The following SNTG1 variants were observed in gnomAD, a reference collection of about 807,000 sequenced individuals.
SNTG1 encodes syntrophin gamma 1.
A neutral mutation model predicts 74.7 loss-of-function variants in SNTG1; 39 were observed. The observed-to-expected ratio is 0.52, with a 90% CI of 0.40 to 0.68. SNTG1 has a LOEUF of 0.68. Ranked by LOEUF, SNTG1 falls within the 30% of genes least tolerant of loss-of-function variation. The probability of loss-of-function intolerance (pLI) is 0.00; values close to 1 mark genes in which losing one functional copy is unlikely to be tolerated. For synonymous variants in SNTG1, 254 were observed against 217.1 expected (o/e 1.17, Z -1.49); for missense variants, 685 against 609.5 (o/e 1.12, Z -1.30).
chr8:50,660,957 AT>A (rs1460220469), intron 15 of SNTG1, among the ~76,000 whole-genome samples: 1 of 152,042 alleles, frequency 6.6e-6, no homozygotes, highest in Non-Finnish European at 1.5e-5. Flanking sequence ...TTTTTGATAG[AT>A]TTCATCTATC....
At chr8:50,446,475 T>C (rs913188359) in intron 5 of SNTG1, among the ~76,000 whole-genome samples, 2 of 143,322 alleles carry the variant, frequency 1.4e-5, no homozygotes, top group Non-Finnish European at 3.1e-5. Flanking sequence ...CAGGGAGGGG[T>C]TCAAGACCAG....
intron 2 of SNTG1, among the ~76,000 whole-genome samples, chr8:50,329,812 A>AT (rs574286745): frequency 2.1e-4 from 31 of 150,776 alleles, no homozygotes; most frequent in African/African-American, 2.2e-4. Context: ...CTCCCTAGAA[A>AT]TTTTTTTTTT....
At chr8:50,504,978 T>C (rs570645773) in intron 9 of SNTG1, among the ~76,000 whole-genome samples, 1 of 152,234 alleles carries the variant, frequency 6.6e-6, no homozygotes, top group South Asian at 2.1e-4. Context: ...TCTATACCCC[T>C]TAAACAATTC....
chr8:50,056,019 G>A (rs532901822), intron 1 of SNTG1, among the ~76,000 whole-genome samples: 3 of 152,116 alleles, frequency 2.0e-5, no homozygotes, highest in African/African-American at 7.2e-5. Context: ...AGTTCCAAAC[G>A]GAGGGAAAAA....
At chr8:50,422,505 A>G (rs1347056334) in intron 4 of SNTG1, among the ~76,000 whole-genome samples, 1 of 152,166 alleles carries the variant, frequency 6.6e-6, no homozygotes, top group African/African-American at 2.4e-5. Context: ...TGCAGTAAAT[A>G]AAGAAAGAGT....
chr8:50,094,231 C>G (rs1259536840), intron 1 of SNTG1, among the ~76,000 whole-genome samples: 1 of 151,832 alleles, frequency 6.6e-6, no homozygotes, highest in African/African-American at 2.4e-5. Flanking sequence ...GATTATTGTG[C>G]TAAGGGAAAG....
intron 1 of SNTG1, among the ~76,000 whole-genome samples, chr8:49,966,919 G>C (rs574769021): frequency 6.6e-6 from 1 of 152,026 alleles, no homozygotes; most frequent in Non-Finnish European, 1.5e-5. Context: ...AATGCAAATA[G>C]ATGTTTATGT....
rs553715566 is a variant in SNTG1, at chr8:50,783,291, C to G, written c.1396-9380C>G. Among the ~76,000 whole-genome samples, 10 of 152,298 alleles carry G rather than the reference C, an allele frequency of 6.6e-5. No individual in the cohort carries two copies. The East Asian group carries it at 1.9e-3, about 30-fold the overall frequency. ...TGTCTTTTTGTTTGTCTGTGCCCTG[C>G]CCCCAGAGGTGGAGCCTATAGAGGC... On this transcript the variant is annotated intron_variant, in intron 18 of 18. Transcript: ENST00000642720.
chr8:50,311,793 G>A (rs981582876), intron 2 of SNTG1, among the ~76,000 whole-genome samples: 1 of 152,162 alleles, frequency 6.6e-6, no homozygotes, highest in East Asian at 1.9e-4. Flanking sequence ...AAAATACATG[G>A]AAATACACTT....
intron 2 of SNTG1, among the ~76,000 whole-genome samples, chr8:50,173,699 C>T (rs1202681357): frequency 6.6e-6 from 1 of 152,118 alleles, no homozygotes; most frequent in Non-Finnish European, 1.5e-5. Flanking sequence ...CTGTTTGCTA[C>T]CTATTCTGTT....
At chr8:50,256,282 A>G (rs550850952) in intron 2 of SNTG1, among the ~76,000 whole-genome samples, 2 of 152,308 alleles carry the variant, frequency 1.3e-5, no homozygotes, top group East Asian at 3.9e-4. Context: ...CAGGTACTAT[A>G]TATTGTTTTC....
At chr8:50,455,986 CTT>C (rs2093501610) in intron 8 of SNTG1, among the ~76,000 whole-genome samples, 1 of 152,174 alleles carries the variant, frequency 6.6e-6, no homozygotes, top group African/African-American at 2.4e-5. Context: ...TGTAATTTAA[CTT>C]TGAATATTTC....
intron 2 of SNTG1, among the ~76,000 whole-genome samples, chr8:50,312,326 G>A (rs2130759267): frequency 6.6e-6 from 1 of 152,058 alleles, no homozygotes; most frequent in East Asian, 1.9e-4. Flanking sequence ...GATGCTTAGT[G>A]ATTGTCTCAA....
At chr8:49,933,054 T>C (rs901800036) in intron 1 of SNTG1, among the ~76,000 whole-genome samples, 2 of 152,172 alleles carry the variant, frequency 1.3e-5, no homozygotes, top group Non-Finnish European at 2.9e-5. Flanking sequence ...CCCACTTTTT[T>C]ATTATTATGA....
intron 12 of SNTG1, among the ~76,000 whole-genome samples, chr8:50,564,953 C>G (rs1337451600): frequency 2.0e-5 from 3 of 152,040 alleles, no homozygotes; most frequent in Admixed American, 6.6e-5. Context: ...TTGGAGTGGA[C>G]AAACCTAACA....
chr8:50,342,402 C>T (rs958194091), intron 2 of SNTG1, among the ~76,000 whole-genome samples: 8 of 152,092 alleles, frequency 5.3e-5, no homozygotes, highest in South Asian at 2.1e-4. Context: ...TTCTATACTA[C>T]GTTTTAAAGA....
chr8:49,950,489 G>T (rs1809608415), intron 1 of SNTG1, among the ~76,000 whole-genome samples: 4 of 151,768 alleles, frequency 2.6e-5, no homozygotes, highest in African/African-American at 9.7e-5. Context: ...AGATTTTTTT[G>T]CCAATTAAGT....
intron 2 of SNTG1, among the ~76,000 whole-genome samples, chr8:50,231,121 T>C (rs2085601144): frequency 6.6e-6 from 1 of 151,222 alleles, no homozygotes; most frequent in Admixed American, 6.6e-5. Context: ...AGCTAACAGA[T>C]ACATCAAAAA....
At chr8:49,989,153 A>T (rs1245656765) in intron 1 of SNTG1, among the ~76,000 whole-genome samples, 1 of 151,986 alleles carries the variant, frequency 6.6e-6, no homozygotes, top group Non-Finnish European at 1.5e-5. Flanking sequence ...AAAATTGGGG[A>T]AACCAAAAGT....
Sources: gnomAD v4.1 joint callset for allele counts (sites outside exome capture counted in the v4.1 genomes callset) on GRCh38, gnomAD v4.1.1 for gene constraint, MANE v1.5 for transcripts, NCBI Gene and HGNC (gene_info 2026-07-23, HGNC 2026-07-21) for gene names.